The following MGAT3 variants were observed in gnomAD, a reference collection of about 807,000 sequenced individuals.
MGAT3 encodes beta-1,4-mannosyl-glycoprotein 4-beta-N-acetylglucosaminyltransferase.
A neutral mutation model predicts 29.8 loss-of-function variants in MGAT3; 9 were observed. The observed-to-expected ratio is 0.30, with a 90% CI of 0.18 to 0.53. The LOEUF is 0.53. Among genes scored for constraint, MGAT3 ranks in the 20% least tolerant of loss-of-function variants. The pLI, the probability that MGAT3 is intolerant of heterozygous loss-of-function variation, is 0.96. For missense variants in MGAT3, 557 were observed against 769.5 expected (o/e 0.72, Z 3.27); for synonymous variants, 397 against 348.9 (o/e 1.14, Z -1.54).
Position 39,464,826 on chromosome 22 carries a change from C to G in MGAT3, c.-2+7269C>G, listed in dbSNP as rs374359987. On this transcript the variant is annotated intron_variant, in intron 1 of 1. Coordinates refer to ENST00000341184, the MANE Select transcript of MGAT3 (RefSeq NM_002409.5). Reference sequence around the variant, plus strand: ...AGTGCAGTGGCATGATCTCGGCTCACTGTAAGCTCTGCCTCCCAGGTTCAC... The same window carrying G: ...AGTGCAGTGGCATGATCTCGGCTCAGTGTAAGCTCTGCCTCCCAGGTTCAC... Among the ~76,000 whole-genome samples the G allele has an allele frequency of 3.9e-5, 6 of 152,166 alleles. No individual in the cohort carries two copies. In the East Asian group the frequency reaches 5.8e-4, roughly 15 times the overall value.
chr22:39,475,128 CTTT>C (rs58543840), intron 1 of MGAT3, among the ~76,000 whole-genome samples: 41,046 of 118,446 alleles, frequency 0.35, 7,142 homozygotes, highest in East Asian at 0.75. Flanking sequence ...GCTTGCCAGG[CTTT>C]TTTTTTTTTT....
rs1929445556 is a variant in MGAT3, at chr22:39,491,251, T to C, written c.*2302T>C. ...AGTGGGCTGAGGGGCTCTGAGCCAC[T>C]TTGCTCCCATCTAGGGGACTGCCCC... On this transcript the variant is annotated 3_prime_UTR_variant, in exon 2 of 2. Coordinates refer to ENST00000341184, the MANE Select transcript of MGAT3 (RefSeq NM_002409.5). This position sits in a 1 kb window ranked among gnomAD's most constrained non-coding sequence, Gnocchi z 5.5. The C allele has an allele frequency of 6.0e-6, 1 of 167,202 alleles. No individual in the cohort carries two copies. The highest frequency in any genetic ancestry group is 6.5e-5 in the Admixed American group (1 of 15,280). 10.4% of individuals were successfully genotyped at this position (167,202 alleles called of 1,614,324 possible).
intron 1 of MGAT3, among the ~76,000 whole-genome samples, chr22:39,465,504 C>T (rs952454808): frequency 5.9e-5 from 9 of 152,140 alleles, no homozygotes; most frequent in Admixed American, 2.0e-4. Context: ...AATTGTAGAA[C>T]GCTGCACAAA....
intron 1 of MGAT3, among the ~76,000 whole-genome samples, chr22:39,458,564 A>C (rs768464862): frequency 1.1e-4 from 17 of 152,130 alleles, no homozygotes; most frequent in Non-Finnish European, 2.2e-4. Context: ...CCCCACCCCC[A>C]GGAGCTGCAG....
At chr22:39,461,463 C>G (rs1928495261) in intron 1 of MGAT3, among the ~76,000 whole-genome samples, 2 of 152,184 alleles carry the variant, frequency 1.3e-5, no homozygotes, top group Admixed American at 1.3e-4. Context: ...GCACTAACCC[C>G]TCCTTCGAGG....
At position 39,457,693 on chromosome 22, in the gene MGAT3, G is replaced by C. The variant is rs1835697873; in HGVS notation, c.-2+136G>C. 1 of 150,414 alleles carries C rather than the reference G, an allele frequency of 6.6e-6. No homozygotes were observed. The highest frequency in any genetic ancestry group is 6.6e-5 in the Admixed American group (1 of 15,134). 9.3% of individuals were successfully genotyped at this position (150,414 alleles called of 1,614,324 possible). A position where few individuals can be genotyped will look rare whatever the true frequency, so the allele number is the denominator to read the frequency against. On this transcript the variant is annotated intron_variant, in intron 1 of 1. Transcript: ENST00000341184. This position sits in a 1 kb window ranked among gnomAD's most constrained non-coding sequence, Gnocchi z 6.8. ...GAGCGTGACCTTAGGGGGCGGGCGC[G>C]GGCGCACTGGGGCTGGGGGCCCGGA...
chr22:39,477,958 A>G (rs1216766251), intron 1 of MGAT3, among the ~76,000 whole-genome samples: 1 of 152,250 alleles, frequency 6.6e-6, no homozygotes, highest in African/African-American at 2.4e-5. Flanking sequence ...GTGACTTGCC[A>G]AGGCCACAAG....
chr22:39,457,242 C>T lies in MGAT3; in HGVS notation c.-317C>T, dbSNP rs1413597821. Reference sequence around the variant, plus strand: ...CGCCGCGCTCGGCCTCGCCTCCGCGCCCCCCGCGCGCCCGCCGCGGTCCCT... The same window carrying T: ...CGCCGCGCTCGGCCTCGCCTCCGCGTCCCCCGCGCGCCCGCCGCGGTCCCT... On this transcript the variant is annotated 5_prime_UTR_variant, in exon 1 of 2. Transcript: ENST00000341184. The surrounding 1 kb of genome is among the most constrained non-coding windows in gnomAD (Gnocchi z 6.8). 5.5e-4 allele frequency: 80 copies of T among 145,500 alleles called. No individual in the cohort carries two copies. The highest frequency in any genetic ancestry group is 1.8e-3 in the African/African-American group (74 of 40,650). The allele number at this position is 145,500 out of a possible 1,614,324, so 9.0% of individuals were successfully genotyped here. A position where few individuals can be genotyped will look rare whatever the true frequency, so the allele number is the denominator to read the frequency against.
intron 1 of MGAT3, among the ~76,000 whole-genome samples, chr22:39,466,503 C>G (rs956279278): frequency 1.3e-5 from 2 of 152,224 alleles, no homozygotes; most frequent in Non-Finnish European, 2.9e-5. Context: ...CCCCCATGCT[C>G]CAGCCTCTTG....
chr22:39,473,117 A>G (rs1478936246), intron 1 of MGAT3, among the ~76,000 whole-genome samples: 1 of 152,050 alleles, frequency 6.6e-6, no homozygotes, highest in Non-Finnish European at 1.5e-5. Flanking sequence ...TAAGATACTG[A>G]GCACAGCCCC....
rs1368744042 is a variant in MGAT3, at chr22:39,487,457, A to G, written c.110A>G (p.Glu37Gly). ...CTGTCCTATGTCACCTTCCCCCGAG[A>G]ACTGGCCTCCCTCAGCCCTAACCTG... ...KTLSYVTFPRELASLSPNLVS... is the reference protein window; with the variant it reads ...KTLSYVTFPRGLASLSPNLVS... Residue 37 changes from glutamate to glycine, a missense_variant, in exon 2 of 2, where the codon GAA becomes GGA. By Grantham distance (98) the Glu-to-Gly change is moderately conservative. Around this residue, in one of 3 missense-constraint regions of MGAT3, gnomAD observed 212 missense variants for 228.5 expected, o/e 0.93. Coordinates refer to ENST00000341184, the MANE Select transcript of MGAT3 (RefSeq NM_002409.5). This position sits in a 1 kb window ranked among gnomAD's most constrained non-coding sequence, Gnocchi z 5.7. The G allele has an allele frequency of 3.1e-6, 5 of 1,613,188 alleles. No homozygotes were observed. The highest frequency in any genetic ancestry group is 3.4e-6 in the Non-Finnish European group (4 of 1,179,880).
At chr22:39,467,029 C>G (rs1601719531) in intron 1 of MGAT3, among the ~76,000 whole-genome samples, 1 of 152,352 alleles carries the variant, frequency 6.6e-6, no homozygotes, top group East Asian at 1.9e-4. Context: ...GCTCTGCTGA[C>G]ATCAGGGTGG....
chr22:39,469,650 G>A (rs1057076691), intron 1 of MGAT3, among the ~76,000 whole-genome samples: 5 of 152,242 alleles, frequency 3.3e-5, no homozygotes, highest in Admixed American at 1.3e-4. Context: ...CAATGCCTGG[G>A]ACAAAGTCCC....
At chr22:39,484,548 T>C (rs1929217807) in intron 1 of MGAT3, among the ~76,000 whole-genome samples, 1 of 151,986 alleles carries the variant, frequency 6.6e-6, no homozygotes, top group Non-Finnish European at 1.5e-5. Context: ...AATTTTTGTA[T>C]TTTTAGTAGT....
intron 1 of MGAT3, among the ~76,000 whole-genome samples, chr22:39,474,062 G>T (rs1928884949): frequency 1.3e-5 from 2 of 152,108 alleles, no homozygotes; most frequent in Admixed American, 6.5e-5. Context: ...ACTGTCCAGG[G>T]TGACCCGTTC....
intron 1 of MGAT3, among the ~76,000 whole-genome samples, chr22:39,465,546 C>T (rs9611182): frequency 2.6e-5 from 4 of 152,188 alleles, no homozygotes; most frequent in Non-Finnish European, 5.9e-5. Flanking sequence ...CAGGCAGGCT[C>T]TACTGCAGAC....
Position 39,488,871 on chromosome 22 carries a change from G to C in MGAT3, c.1524G>C (p.Thr508=). Residue 508 remains threonine, a synonymous_variant, in exon 2 of 2, where the codon ACG becomes ACC. Transcript: ENST00000341184. ...ACCCCTACCAGGAGCCCAGGAGCAC[G>C]GCGGCGGGCGGGTGGCGCCACAGGG... ...LDNPYQEPRS[T]AAGGWRHRGP... 6.2e-7 allele frequency: 1 copy of C among 1,600,534 alleles called. No homozygotes were observed. The highest frequency in any genetic ancestry group is 1.1e-5 in the South Asian group (1 of 89,450).
intron 1 of MGAT3, among the ~76,000 whole-genome samples, chr22:39,463,362 G>A (rs1312654489): frequency 1.3e-5 from 2 of 152,232 alleles, no homozygotes; most frequent in African/African-American, 4.8e-5. Flanking sequence ...AGCCTCCCTC[G>A]GTCACCCAGA....
intron 1 of MGAT3, among the ~76,000 whole-genome samples, chr22:39,485,927 GTCATGAATACAGAGTGATTTATTCA>G (rs1393902976): frequency 6.6e-6 from 1 of 152,214 alleles, no homozygotes; most frequent in Non-Finnish European, 1.5e-5. Flanking sequence ...TACATCATGA[GTCATGAATACAGAGTGATTTATTCA>G]CAATAGCCAT....
Sources: allele counts gnomAD v4.1 joint callset (sites outside exome capture counted in the v4.1 genomes callset), GRCh38; gene constraint gnomAD v4.1.1; regional missense constraint gnomAD v4.1.1; non-coding constraint Gnocchi (gnomAD v3.1); transcripts MANE v1.5; gene names NCBI Gene and HGNC (gene_info 2026-07-23, HGNC 2026-07-21).